Variants in CLSTN1 observed in about 807,000 individuals in gnomAD.
CLSTN1 encodes calsyntenin 1.
A neutral mutation model predicts 108.3 loss-of-function variants in CLSTN1; 28 were observed. The ratio of observed to expected loss-of-function variants is 0.26; its 90% CI spans 0.19 to 0.35. The LOEUF (loss-of-function observed/expected upper bound fraction) is 0.35, where lower values mean the gene tolerates loss of function less well. CLSTN1 is among the 10% of genes least tolerant of loss of function. CLSTN1 has a pLI of 1.00. For synonymous variants in CLSTN1, 524 were observed against 534.9 expected, an observed-to-expected ratio of 0.98 and a Z score of 0.28; for missense variants, 1,157 against 1,302.6, an observed-to-expected ratio of 0.89 and a Z score of 1.72.
At chr1:9,781,913 T>C (rs895878550) in intron 1 of CLSTN1, among the ~76,000 whole-genome samples, 1 of 152,218 alleles carries the variant, frequency 6.6e-6, no homozygotes, top group Non-Finnish European at 1.5e-5. Context: ...TTGTGACTTG[T>C]TGACATTTCC....
At chr1:9,798,483 C>T (rs1654111669) in intron 1 of CLSTN1, among the ~76,000 whole-genome samples, 1 of 152,128 alleles carries the variant, frequency 6.6e-6, no homozygotes, top group Admixed American at 6.6e-5. Context: ...AGAAACCAGA[C>T]ATAAAAGGTC....
intron 1 of CLSTN1, among the ~76,000 whole-genome samples, chr1:9,793,976 G>T (rs1653879633): frequency 6.6e-6 from 1 of 151,386 alleles, no homozygotes; most frequent in African/African-American, 2.4e-5. Flanking sequence ...TTCGCATTGG[G>T]TTAGAACTCT....
At chr1:9,744,290 G>A (rs1334600553) in intron 8 of CLSTN1, 105 bp downstream of exon 8, 1 of 1,464,874 alleles carries the variant, frequency 6.8e-7, no homozygotes, top group Non-Finnish European at 9.2e-7. Context: ...TGGCCTACGA[G>A]CACCAGGCTG....
In CLSTN1 at chr1:9,730,636, C is replaced by A; in HGVS notation, c.2818G>T (p.Glu940Ter). ...EEEEEESEDGEEEDDITSAES... is the reference protein window; with the variant it reads ...EEEEEESEDG ...GCGCTGGTGATGTCATCCTCTTCTT[C>A]GCCGTCCTCGCTTTCCTCTTCCTCT... is the stretch of plus-strand genomic sequence containing the variant. Residue 940 changes from glutamate to a stop codon, truncating the protein, a stop_gained, in exon 19 of 19, where the codon GAA (glutamate) becomes TAA (stop). Transcript: ENST00000377298. LOFTEE classifies it high-confidence loss of function. The surrounding 1 kb of genome is among the most constrained non-coding windows in gnomAD (Gnocchi z 5.6). The A allele has an allele frequency of 6.2e-7, 1 of 1,610,420 alleles. No homozygotes were observed. Among genetic ancestry groups the A allele is most frequent in the Non-Finnish European group, 8.5e-7 (1 of 1,179,888 alleles).
chr1:9,819,515 G>A (rs370722202), intron 1 of CLSTN1, among the ~76,000 whole-genome samples: 2 of 151,998 alleles, frequency 1.3e-5, no homozygotes, highest in Admixed American at 6.6e-5. Context: ...TATTATTTGC[G>A]TTTTTGGCTT....
chr1:9,740,047 A>G (rs1188453167), intron 10 of CLSTN1, among the ~76,000 whole-genome samples: 1 of 151,376 alleles, frequency 6.6e-6, no homozygotes, highest in African/African-American at 2.4e-5. Context: ...TGATCTCCTG[A>G]CCTCATGATC....
At chr1:9,775,156 G>A (rs919205813) in intron 1 of CLSTN1, among the ~76,000 whole-genome samples, 4 of 152,124 alleles carry the variant, frequency 2.6e-5, no homozygotes, top group African/African-American at 9.7e-5. Context: ...TGTGACCTGT[G>A]TCTTGTACTG....
intron 11 of CLSTN1, 142 bp downstream of exon 11, chr1:9,737,356 T>C (rs1440329999): frequency 4.0e-6 from 3 of 755,170 alleles, no homozygotes; most frequent in Admixed American, 2.0e-5. Flanking sequence ...CATGAAGCAA[T>C]GGGGAAGCGC....
intron 1 of CLSTN1, among the ~76,000 whole-genome samples, chr1:9,777,212 T>G (rs765189113): frequency 4.3e-5 from 4 of 92,914 alleles, no homozygotes; most frequent in Non-Finnish European, 6.2e-5. Context: ...AGAGCGAGAC[T>G]GTCTCAAAAA....
chr1:9,793,071 G>A (rs1158814375), intron 1 of CLSTN1, among the ~76,000 whole-genome samples: 1 of 151,222 alleles, frequency 6.6e-6, no homozygotes, highest in African/African-American at 2.4e-5. Context: ...GGAGTGCAGT[G>A]GTGTGATCTC....
intron 8 of CLSTN1, 56 bp downstream of exon 8, chr1:9,744,339 G>C: frequency 6.5e-7 from 1 of 1,547,638 alleles, no homozygotes; most frequent in Non-Finnish European, 8.7e-7. Flanking sequence ...CCTGCCGCTG[G>C]CACCCACCCT....
At chr1:9,790,960 C>G (rs1415705715) in intron 1 of CLSTN1, among the ~76,000 whole-genome samples, 1 of 150,884 alleles carries the variant, frequency 6.6e-6, no homozygotes, top group Non-Finnish European at 1.5e-5. Flanking sequence ...GGTGAAACCC[C>G]GTCTCTACTA....
Position 9,768,496 on chromosome 1 carries a change from G to T in CLSTN1, c.214+4776C>A, listed in dbSNP as rs556087020. Among the ~76,000 whole-genome samples the T allele has an allele frequency of 7.6e-4, 104 of 137,150 alleles. 1 individual carries two copies. Among genetic ancestry groups the T allele is most frequent in the African/African-American group, 2.6e-3 (94 of 35,770 alleles). 90.0% of individuals were successfully genotyped at this position (137,150 alleles called of 152,430 possible). On this transcript the variant is annotated intron_variant, in intron 2 of 18. Coordinates refer to ENST00000377298, the MANE Select transcript of CLSTN1 (RefSeq NM_001009566.3). ...ACAATGGGGGTGGGGTTCTGTGCTGGGTGGCACCATGGGGTTGGCGATCTG... is the reference window on the plus strand; with the variant it reads ...ACAATGGGGGTGGGGTTCTGTGCTGTGTGGCACCATGGGGTTGGCGATCTG...
intron 1 of CLSTN1, among the ~76,000 whole-genome samples, chr1:9,804,914 G>A (rs1232030660): frequency 6.6e-6 from 1 of 152,044 alleles, no homozygotes; most frequent in African/African-American, 2.4e-5. Context: ...ACGAGGTCAG[G>A]AGTTCCAGAA....
intron 1 of CLSTN1, among the ~76,000 whole-genome samples, chr1:9,792,031 C>T (rs1382480422): frequency 1.3e-5 from 2 of 150,874 alleles, no homozygotes; most frequent in African/African-American, 4.8e-5. Flanking sequence ...TGCCTGTAAT[C>T]CCAGCTACTC....
At chr1:9,764,769 C>T (rs1329638204) in intron 2 of CLSTN1, among the ~76,000 whole-genome samples, 6 of 152,000 alleles carry the variant, frequency 3.9e-5, no homozygotes, top group Non-Finnish European at 5.9e-5. Flanking sequence ...CTACAAGTTT[C>T]CTAGTATCCT....
chr1:9,771,324 A>G (rs574531905), intron 2 of CLSTN1, among the ~76,000 whole-genome samples: 25 of 152,334 alleles, frequency 1.6e-4, no homozygotes, highest in African/African-American at 5.5e-4. Flanking sequence ...TACTAAAAAT[A>G]CAAAAATTAG....
intron 1 of CLSTN1, among the ~76,000 whole-genome samples, chr1:9,815,156 C>T (rs1398482336): frequency 6.6e-6 from 1 of 152,154 alleles, no homozygotes; most frequent in Non-Finnish European, 1.5e-5. Context: ...GTGGTAAAAA[C>T]AACAGACTGT....
chr1:9,810,256 A>G (rs1654694101), intron 1 of CLSTN1, among the ~76,000 whole-genome samples: 1 of 151,422 alleles, frequency 6.6e-6, no homozygotes. Context: ...CAGGTGGATC[A>G]TCTAAGGTCA....
Sources: allele counts gnomAD v4.1 joint callset (sites outside exome capture counted in the v4.1 genomes callset), GRCh38; gene constraint gnomAD v4.1.1; non-coding constraint Gnocchi (gnomAD v3.1); transcripts MANE v1.5; gene names NCBI Gene and HGNC (gene_info 2026-07-23, HGNC 2026-07-21).